NKAIN3: variants seen among roughly 807,000 people sequenced by gnomAD.
NKAIN3 encodes sodium/potassium transporting ATPase interacting 3, also known as sodium/potassium-transporting ATPase subunit beta-1-interacting protein 3.
A neutral mutation model predicts 30.2 loss-of-function variants in NKAIN3; 25 were observed. The ratio of observed to expected loss-of-function variants is 0.83; its 90% confidence interval spans 0.60 to 1.16. NKAIN3 has a LOEUF of 1.16. NKAIN3 is among the 50% of genes most tolerant of loss of function. NKAIN3 has a pLI of 0.00. For missense variants in NKAIN3, 225 were observed against 254.1 expected, an observed-to-expected ratio of 0.89 and a Z score of 0.78; for synonymous variants, 91 against 89.6, an observed-to-expected ratio of 1.02 and a Z score of -0.09.
intron 4 of NKAIN3, among the ~76,000 whole-genome samples, chr8:62,820,170 A>G (rs1021800362): frequency 1.3e-5 from 2 of 152,186 alleles, no homozygotes; most frequent in Non-Finnish European, 2.9e-5. Context: ...GAGATAACCA[A>G]TGCAGATTTG....
chr8:62,569,358 A>G (rs1809853996), intron 1 of NKAIN3, among the ~76,000 whole-genome samples: 1 of 152,206 alleles, frequency 6.6e-6, no homozygotes, highest in Non-Finnish European at 1.5e-5. Context: ...GCTGATGTAC[A>G]TAGAAGTTGG....
chr8:62,386,175 C>A (rs1372007959), intron 1 of NKAIN3, among the ~76,000 whole-genome samples: 1 of 152,176 alleles, frequency 6.6e-6, no homozygotes, highest in South Asian at 2.1e-4. Context: ...AATTATGACT[C>A]CACTTTTTGA....
In NKAIN3 at chr8:62,870,244, A is replaced by ATC. The variant is rs1820568294; in HGVS notation, c.472-48209_472-48208insTC. ...TCTATATCTATATATAGATATCTAT[A>ATC]GATATCTATATATATATCTATATAT... is the stretch of plus-strand genomic sequence containing the variant. On this transcript the variant is annotated intron_variant, in intron 4 of 6. Coordinates refer to ENST00000623646, the MANE Select transcript of NKAIN3 (RefSeq NM_001304533.3). Among the ~76,000 whole-genome samples, 3 of 119,878 alleles carry ATC rather than the reference A, an allele frequency of 2.5e-5. 1 individual carries two copies. Among genetic ancestry groups the ATC allele is most frequent in the African/African-American group, 1.1e-4 (3 of 27,942 alleles). 78.6% of individuals were successfully genotyped at this position (119,878 alleles called of 152,430 possible).
At chr8:62,569,452 G>A (rs576134292) in intron 1 of NKAIN3, among the ~76,000 whole-genome samples, 1 of 152,272 alleles carries the variant, frequency 6.6e-6, no homozygotes, top group South Asian at 2.1e-4. Flanking sequence ...TAGTGGAGTT[G>A]AGGCATATGT....
At chr8:62,914,021 C>T (rs1270793075) in intron 4 of NKAIN3, among the ~76,000 whole-genome samples, 1 of 152,122 alleles carries the variant, frequency 6.6e-6, no homozygotes, top group African/African-American at 2.4e-5. Context: ...ATAAATCACT[C>T]TATTATAAAG....
intron 1 of NKAIN3, among the ~76,000 whole-genome samples, chr8:62,438,352 A>C (rs1805229900): frequency 6.6e-6 from 1 of 152,152 alleles, no homozygotes; most frequent in Admixed American, 6.5e-5. Flanking sequence ...TGTATGCTAA[A>C]ATCAAATGCC....
intron 1 of NKAIN3, among the ~76,000 whole-genome samples, chr8:62,442,734 T>A (rs1049508956): frequency 2.0e-5 from 3 of 152,032 alleles, no homozygotes; most frequent in Admixed American, 6.6e-5. Context: ...TTCCATAAAT[T>A]TCTTGATTGA....
At chr8:62,870,435 A>C (rs965382360) in intron 4 of NKAIN3, among the ~76,000 whole-genome samples, 3 of 136,142 alleles carry the variant, frequency 2.2e-5, no homozygotes, top group African/African-American at 8.4e-5. Flanking sequence ...TATATACAAT[A>C]TATACATATT....
chr8:62,454,323 A>AAAAAAAAAAAAAAAAAAAAAAAAC (rs1360909972), intron 1 of NKAIN3, among the ~76,000 whole-genome samples: 2 of 145,100 alleles, frequency 1.4e-5, no homozygotes, highest in Non-Finnish European at 3.0e-5. Flanking sequence ...AAAAAAAAAA[A>AAAAAAAAAAAAAAAAAAAAAAAAC]TCTGAAAATC....
intron 1 of NKAIN3, among the ~76,000 whole-genome samples, chr8:62,258,864 T>A (rs1286992577): frequency 6.6e-6 from 1 of 152,028 alleles, no homozygotes; most frequent in Non-Finnish European, 1.5e-5. Context: ...CAAAATAGTG[T>A]GAGGAAGAAA....
chr8:62,484,447 G>A (rs887014199), intron 1 of NKAIN3, among the ~76,000 whole-genome samples: 2 of 152,164 alleles, frequency 1.3e-5, no homozygotes, highest in African/African-American at 4.8e-5. Flanking sequence ...TCTGCTCCGT[G>A]GGGTTTGGGG....
intron 3 of NKAIN3, among the ~76,000 whole-genome samples, chr8:62,707,592 T>C (rs539114160): frequency 3.3e-4 from 50 of 152,266 alleles, no homozygotes; most frequent in African/African-American, 1.1e-3. Flanking sequence ...TTCTTACTGA[T>C]TTGTTTGAGT....
chr8:62,911,105 A>C (rs1226389774), intron 4 of NKAIN3, among the ~76,000 whole-genome samples: 5 of 152,196 alleles, frequency 3.3e-5, no homozygotes, highest in Non-Finnish European at 7.3e-5. Flanking sequence ...AGACAAAATA[A>C]TAATTCGCTT....
chr8:62,733,204 G>T (rs1215807591), intron 3 of NKAIN3, among the ~76,000 whole-genome samples: 1 of 151,944 alleles, frequency 6.6e-6, no homozygotes, highest in East Asian at 1.9e-4. Context: ...CTTCCATCTT[G>T]CATGGCACTG....
intron 4 of NKAIN3, among the ~76,000 whole-genome samples, chr8:62,847,441 G>T (rs10282893): frequency 0.11 from 16,850 of 152,064 alleles, 996 homozygotes; most frequent in African/African-American, 0.15. Context: ...ATCAGTGATA[G>T]TGAGCTCTTT....
chr8:62,804,361 A>C (rs541103958), intron 4 of NKAIN3, among the ~76,000 whole-genome samples: 1 of 152,238 alleles, frequency 6.6e-6, no homozygotes, highest in Admixed American at 6.5e-5. Context: ...AGAGAATTTT[A>C]GACCAATATC....
At chr8:62,539,678 C>T (rs576782701) in intron 1 of NKAIN3, among the ~76,000 whole-genome samples, 2 of 152,268 alleles carry the variant, frequency 1.3e-5, no homozygotes, top group Admixed American at 1.3e-4. Flanking sequence ...CATCCTCGAT[C>T]GCGTGAGCTC....
chr8:62,822,298 T>C (rs1194591326), intron 4 of NKAIN3, among the ~76,000 whole-genome samples: 1 of 152,178 alleles, frequency 6.6e-6, no homozygotes, highest in Non-Finnish European at 1.5e-5. Context: ...AGGAAAATTC[T>C]ATTGATAAAA....
At chr8:62,931,687 G>A (rs1261013537) in intron 5 of NKAIN3, among the ~76,000 whole-genome samples, 1 of 152,108 alleles carries the variant, frequency 6.6e-6, no homozygotes, top group Admixed American at 6.5e-5. Context: ...TGGAACAAAA[G>A]AAAATCTCAT....
Sources: gnomAD v4.1 joint callset for allele counts (sites outside exome capture counted in the v4.1 genomes callset) on GRCh38, gnomAD v4.1.1 for gene constraint, MANE v1.5 for transcripts, NCBI Gene and HGNC (gene_info 2026-07-23, HGNC 2026-07-21) for gene names.